Variants in AAK1 observed in about 807,000 individuals in gnomAD.
AAK1 encodes the protein AP2 associated kinase 1.
In AAK1, 37 loss-of-function variants were observed where a neutral mutation model predicts 116.0. The observed-to-expected ratio is 0.32, with a 90% CI of 0.25 to 0.42. The LOEUF is 0.42. Among genes scored for constraint, AAK1 ranks in the 10% least tolerant of loss-of-function variants. The pLI, the probability that AAK1 is intolerant of heterozygous loss-of-function variation, is 1.00. For missense variants in AAK1, 919 were observed against 1,170.6 expected, an observed-to-expected ratio of 0.79 and a Z score of 3.14; for synonymous variants, 458 against 439.9, an observed-to-expected ratio of 1.04 and a Z score of -0.51.
At chr2:69,638,772 C>T (rs1675563600) in intron 2 of AAK1, among the ~76,000 whole-genome samples, 1 of 152,176 alleles carries the variant, frequency 6.6e-6, no homozygotes, top group Admixed American at 6.5e-5. Context: ...AACTTCATGT[C>T]ACCTATGAAC....
At position 69,643,706 on chromosome 2, in the gene AAK1, C is replaced by G; in HGVS notation, c.-366G>C. 8.2e-7 allele frequency: 1 copy of G among 1,216,504 alleles called. No individual in the cohort carries two copies. Among genetic ancestry groups the G allele is most frequent in the Non-Finnish European group, 1.0e-6 (1 of 978,314 alleles). The allele number at this position is 1,216,504 out of a possible 1,614,324, so 75.4% of individuals were successfully genotyped here. A position where few individuals can be genotyped will look rare whatever the true frequency, so the allele number is the denominator to read the frequency against. ...GGGCCGCGCTCGGCTCCCGCCCGCC[C>G]GCCAGCTGATCCCGGGAGCGCCGGG... On this transcript the variant is annotated 5_prime_UTR_variant, in exon 1 of 22. Coordinates refer to ENST00000409085, the MANE Select transcript of AAK1 (RefSeq NM_014911.5).
chr2:69,624,527 A>G (rs1674809269), intron 2 of AAK1, among the ~76,000 whole-genome samples: 1 of 152,240 alleles, frequency 6.6e-6, no homozygotes, highest in Non-Finnish European at 1.5e-5. Flanking sequence ...ATGACAATCT[A>G]TGGGACTATG....
At chr2:69,639,546 A>G (rs1015516605) in intron 2 of AAK1, among the ~76,000 whole-genome samples, 2 of 152,216 alleles carry the variant, frequency 1.3e-5, no homozygotes, top group Non-Finnish European at 2.9e-5. Context: ...AAACCAGGCC[A>G]GGAAGGCTGA....
At chr2:69,526,473 T>C (rs1379741069) in intron 9 of AAK1, among the ~76,000 whole-genome samples, 1 of 151,990 alleles carries the variant, frequency 6.6e-6, no homozygotes, top group Non-Finnish European at 1.5e-5. Context: ...ACATGAAAAA[T>C]ATGCAAGGAT....
Position 69,468,589 on chromosome 2 carries a change from A to C in AAK1, c.*7280T>G, listed in dbSNP as rs1674568674. The C allele has an allele frequency of 1.0e-6, 1 of 985,358 alleles. No homozygotes were observed. The highest frequency in any genetic ancestry group is 1.7e-5 in the African/African-American group (1 of 57,256). The allele number at this position is 985,358 out of a possible 1,614,324, so 61.0% of individuals were successfully genotyped here. On this transcript the variant is annotated 3_prime_UTR_variant, in exon 22 of 22. Coordinates refer to ENST00000409085, the MANE Select transcript of AAK1 (RefSeq NM_014911.5). ...AGTCAAGCCAGTGACCAACTCTGGC[A>C]TCATACAGGTCAATAATCCAATGAA...
chr2:69,560,154 C>G (rs1360366956), intron 2 of AAK1, among the ~76,000 whole-genome samples: 1 of 152,212 alleles, frequency 6.6e-6, no homozygotes, highest in Admixed American at 6.5e-5. Context: ...AAATCCACGC[C>G]TAACAGGACT....
At chr2:69,584,184 C>T (rs1672662562) in intron 2 of AAK1, among the ~76,000 whole-genome samples, 1 of 152,152 alleles carries the variant, frequency 6.6e-6, no homozygotes, top group South Asian at 2.1e-4. Flanking sequence ...CTCCCTACCC[C>T]CTTTAACAAT....
At chr2:69,491,657 C>A (rs1360511593) in intron 17 of AAK1, among the ~76,000 whole-genome samples, 1 of 152,082 alleles carries the variant, frequency 6.6e-6, no homozygotes, top group African/African-American at 2.4e-5. Context: ...ACTAGGACTG[C>A]CCCACTGGGA....
At chr2:69,537,931 G>C (rs1390767248) in intron 5 of AAK1, among the ~76,000 whole-genome samples, 2 of 152,226 alleles carry the variant, frequency 1.3e-5, no homozygotes, top group Non-Finnish European at 2.9e-5. Flanking sequence ...CAAGGTAAAG[G>C]AGAAAGAGTC....
At chr2:69,595,327 G>A (rs1673228729) in intron 2 of AAK1, among the ~76,000 whole-genome samples, 1 of 152,180 alleles carries the variant, frequency 6.6e-6, no homozygotes, top group Non-Finnish European at 1.5e-5. Context: ...AGTTGGCTAG[G>A]CTGGTCTCGA....
At chr2:69,642,750 C>A in intron 2 of AAK1, 128 bp downstream of exon 2, 1 of 1,306,106 alleles carries the variant, frequency 7.7e-7, no homozygotes, top group Admixed American at 2.0e-5. Context: ...CAATGACTCA[C>A]AGGGCAAGTG....
chr2:69,640,051 ACACTCT>A (rs1304343593), intron 2 of AAK1, among the ~76,000 whole-genome samples: 146 of 100,782 alleles, frequency 1.4e-3, no homozygotes, highest in Middle Eastern at 4.6e-3. Context: ...ACACACACAC[ACACTCT>A]CTCTCTCTCT....
chr2:69,531,810 C>A, intron 6 of AAK1: 1 of 1,252,852 alleles, frequency 8.0e-7, no homozygotes, highest in Non-Finnish European at 1.0e-6. Context: ...ACCACAGGAC[C>A]ACTGATAAAG....
chr2:69,573,385 T>G (rs764983663), intron 2 of AAK1, among the ~76,000 whole-genome samples: 6 of 152,194 alleles, frequency 3.9e-5, no homozygotes, highest in Non-Finnish European at 1.5e-5. Context: ...AAAGTAGCTC[T>G]GAAGAAGAAC....
chr2:69,593,387 T>C lies in AAK1; in HGVS notation c.164-36409A>G, dbSNP rs558562203. ...GTTTAAAAAAACAGGCTTTACAAAA[T>C]GGTTAAGAGGGTATACTTTTTATTG... On this transcript the variant is annotated intron_variant, in intron 2 of 21. Coordinates refer to ENST00000409085, the MANE Select transcript of AAK1 (RefSeq NM_014911.5). Among the ~76,000 whole-genome samples the C allele has an allele frequency of 2.6e-5, 4 of 152,228 alleles. No homozygotes were observed. In the South Asian group the frequency reaches 8.3e-4, roughly 32 times the overall value.
chr2:69,550,219 T>G (rs1201289252), intron 3 of AAK1, among the ~76,000 whole-genome samples: 1 of 152,216 alleles, frequency 6.6e-6, no homozygotes, highest in East Asian at 1.9e-4. Context: ...GAGAACAGGA[T>G]GTTGTTATGA....
At chr2:69,602,166 G>C (rs927231870) in intron 2 of AAK1, among the ~76,000 whole-genome samples, 2 of 152,210 alleles carry the variant, frequency 1.3e-5, no homozygotes, top group Non-Finnish European at 2.9e-5. Context: ...TTAAGGAGCT[G>C]TTCCAGATTA....
chr2:69,531,361 C>G (rs1275241471), intron 6 of AAK1, among the ~76,000 whole-genome samples: 2 of 152,138 alleles, frequency 1.3e-5, no homozygotes, highest in African/African-American at 4.8e-5. Flanking sequence ...TTCTTCTTGC[C>G]CCGGGCATGG....
intron 2 of AAK1, chr2:69,598,360 G>T: frequency 3.0e-6 from 1 of 328,238 alleles, no homozygotes; most frequent in Non-Finnish European, 5.9e-6. Flanking sequence ...ATACTGCAGT[G>T]TGTTGGGTTA....
Sources: gnomAD v4.1 joint callset for allele counts (sites outside exome capture counted in the v4.1 genomes callset) on GRCh38, gnomAD v4.1.1 for gene constraint, MANE v1.5 for transcripts, NCBI Gene and HGNC (gene_info 2026-07-23, HGNC 2026-07-21) for gene names.